The following KAT6B variants were observed in gnomAD, a reference collection of about 807,000 sequenced individuals.
The protein encoded by KAT6B is histone acetyltransferase KAT6B.
KAT6B carries 10 observed loss-of-function variants against 187.5 expected under a neutral mutation model. The ratio of observed to expected loss-of-function variants is 0.05; its 90% confidence interval spans 0.03 to 0.09. The LOEUF is 0.09. Ranked by LOEUF, KAT6B falls within the 10% of genes least tolerant of loss-of-function variation. The pLI, the probability that KAT6B is intolerant of heterozygous loss-of-function variation, is 1.00. For missense variants in KAT6B, 1,952 were observed against 2,558.9 expected, an observed-to-expected ratio of 0.76 and a Z score of 5.12; for synonymous variants, 861 against 926.8, an observed-to-expected ratio of 0.93 and a Z score of 1.29.
At chr10:74,957,833 GTAATAAC>G (rs753947744) in intron 3 of KAT6B, among the ~76,000 whole-genome samples, 17 of 152,338 alleles carry the variant, frequency 1.1e-4, no homozygotes, top group Middle Eastern at 3.4e-3. Flanking sequence ...GCAGTTGCAA[GTAATAAC>G]TATGGATCCA....
intron 3 of KAT6B, among the ~76,000 whole-genome samples, chr10:74,870,008 A>G (rs67958539): frequency 0.27 from 41,211 of 152,078 alleles, 10,311 homozygotes; most frequent in African/African-American, 0.66. Flanking sequence ...GGCTGGGTGC[A>G]GTGGCTCATG....
At chr10:74,904,177 G>C (rs561387420) in intron 3 of KAT6B, among the ~76,000 whole-genome samples, 1 of 152,300 alleles carries the variant, frequency 6.6e-6, no homozygotes, top group South Asian at 2.1e-4. Flanking sequence ...CACTGTATTA[G>C]TTTTCAATTA....
chr10:74,988,584 G>C (rs1430920454), intron 12 of KAT6B, among the ~76,000 whole-genome samples: 1 of 152,254 alleles, frequency 6.6e-6, no homozygotes, highest in Non-Finnish European at 1.5e-5. Context: ...AAAGGCAGAA[G>C]ACAGATTGCT....
intron 3 of KAT6B, among the ~76,000 whole-genome samples, chr10:74,943,422 G>A (rs957072001): frequency 6.6e-6 from 1 of 152,138 alleles, no homozygotes; most frequent in African/African-American, 2.4e-5. Context: ...AACAAGCCCA[G>A]TAAAGATCCC....
At chr10:74,885,437 G>A (rs1164923611) in intron 3 of KAT6B, among the ~76,000 whole-genome samples, 1 of 152,180 alleles carries the variant, frequency 6.6e-6, no homozygotes, top group African/African-American at 2.4e-5. Context: ...TTAACCAGTT[G>A]AGGCTGGTTA....
intron 11 of KAT6B, chr10:74,983,774 T>C (rs1023542318): frequency 1.3e-5 from 2 of 152,180 alleles, no homozygotes; most frequent in African/African-American, 2.4e-5. Flanking sequence ...GTATGTAAAA[T>C]TCACTTATAC....
At chr10:74,933,365 G>C (rs1849016626) in intron 3 of KAT6B, among the ~76,000 whole-genome samples, 1 of 152,194 alleles carries the variant, frequency 6.6e-6, no homozygotes, top group Admixed American at 6.5e-5. Flanking sequence ...GGGTGGTTCT[G>C]TGGTGTTCGA....
intron 13 of KAT6B, among the ~76,000 whole-genome samples, chr10:75,013,443 A>G (rs1337137617): frequency 2.0e-5 from 3 of 151,924 alleles, no homozygotes; most frequent in South Asian, 2.1e-4. Flanking sequence ...GGGTGGGATG[A>G]GAGGAGAGCT....
At chr10:74,873,052 T>C (rs1385588312) in intron 3 of KAT6B, among the ~76,000 whole-genome samples, 1 of 152,186 alleles carries the variant, frequency 6.6e-6, no homozygotes, top group Non-Finnish European at 1.5e-5. Context: ...TTACAACTTA[T>C]TCTCAAATGA....
intron 3 of KAT6B, among the ~76,000 whole-genome samples, chr10:74,930,757 T>C (rs1848812874): frequency 6.6e-6 from 1 of 152,360 alleles, no homozygotes; most frequent in Non-Finnish European, 1.5e-5. Flanking sequence ...TCTTTGAGCA[T>C]GGGTTGGAGT....
intron 1 of KAT6B, among the ~76,000 whole-genome samples, chr10:74,829,426 C>G (rs568640122): frequency 7.2e-5 from 11 of 152,156 alleles, no homozygotes; most frequent in Non-Finnish European, 1.2e-4. Flanking sequence ...CTTACACATG[C>G]CTACATTTGT....
intron 4 of KAT6B, among the ~76,000 whole-genome samples, chr10:74,963,911 G>A (rs942953599): frequency 6.6e-6 from 1 of 152,052 alleles, no homozygotes; most frequent in African/African-American, 2.4e-5. Flanking sequence ...ATCACCTGAG[G>A]TCAGGAGTTC....
At chr10:74,829,068 G>A (rs1011010239) in intron 1 of KAT6B, among the ~76,000 whole-genome samples, 4 of 151,984 alleles carry the variant, frequency 2.6e-5, no homozygotes, top group African/African-American at 9.7e-5. Context: ...CATTAAAAGA[G>A]GAATTTAGGG....
At chr10:74,828,004 G>A (rs1840397788) in intron 1 of KAT6B, among the ~76,000 whole-genome samples, 1 of 152,132 alleles carries the variant, frequency 6.6e-6, no homozygotes. Flanking sequence ...CTTCAAGGGA[G>A]TGTCCGGCAG....
intron 13 of KAT6B, among the ~76,000 whole-genome samples, chr10:75,012,278 T>A (rs1844662230): frequency 6.6e-6 from 1 of 151,994 alleles, no homozygotes; most frequent in Non-Finnish European, 1.5e-5. Flanking sequence ...TGAAACCCCA[T>A]CTCTACAAAA....
intron 3 of KAT6B, among the ~76,000 whole-genome samples, chr10:74,871,082 A>C (rs191858895): frequency 7.4e-6 from 1 of 135,722 alleles, no homozygotes; most frequent in South Asian, 2.4e-4. Flanking sequence ...GGGTTCCACC[A>C]TGTTGGCCGG....
intron 1 of KAT6B, among the ~76,000 whole-genome samples, chr10:74,827,690 G>A (rs1280422604): frequency 6.6e-6 from 1 of 152,102 alleles, no homozygotes; most frequent in African/African-American, 2.4e-5. Flanking sequence ...GTGGGACAAG[G>A]CGGCAGGTGT....
chr10:74,843,261 G>A lies in KAT6B; in HGVS notation c.404G>A (p.Ser135Asn). ...SLKNIEKYLR[S>N]QSDLTSTTNN... ...AAGAACATAGAGAAGTATCTCAGAA[G>A]TCAAAGTGATCTCACAAGCACCACC... is the stretch of plus-strand genomic sequence containing the variant. The change falls in exon 3 of 18, where the codon AGT becomes AAT. Residue 135 changes from serine to asparagine, a missense_variant. Ser to Asn is a conservative substitution (Grantham distance 46). Around this residue, in one of 9 missense-constraint regions of KAT6B, gnomAD observed 218 missense variants for 282.6 expected, o/e 0.77. Transcript: ENST00000287239. The A allele has an allele frequency of 1.2e-6, 2 of 1,614,162 alleles. No homozygotes were observed. Among genetic ancestry groups the A allele is most frequent in the Non-Finnish European group, 1.7e-6 (2 of 1,180,032 alleles).
chr10:74,922,985 A>T (rs1426400488), intron 3 of KAT6B, among the ~76,000 whole-genome samples: 9 of 152,234 alleles, frequency 5.9e-5, no homozygotes, highest in Admixed American at 5.9e-4. Context: ...TGGCTGAATT[A>T]TACACTGTGG....
Sources: allele counts gnomAD v4.1 joint callset (sites outside exome capture counted in the v4.1 genomes callset), GRCh38; gene constraint gnomAD v4.1.1; regional missense constraint gnomAD v4.1.1; transcripts MANE v1.5; gene names NCBI Gene and HGNC (gene_info 2026-07-23, HGNC 2026-07-21).